PCDH15: variants seen among roughly 807,000 people sequenced by gnomAD.
PCDH15 encodes protocadherin related 15, also known as protocadherin-15.
PCDH15 carries 129 observed loss-of-function variants against 178.5 expected under a neutral mutation model. The observed-to-expected ratio is 0.72, with a 90% CI of 0.63 to 0.84. The LOEUF (loss-of-function observed/expected upper bound fraction) is 0.84. PCDH15 is among the 40% of genes least tolerant of loss of function. The pLI is 0.00. For synonymous variants in PCDH15, 800 were observed against 732.0 expected, an observed-to-expected ratio of 1.09 and a Z score of -1.50; for missense variants, 2,230 against 2,099.9, an observed-to-expected ratio of 1.06 and a Z score of -1.21.
chr10:54,691,617 C>T (rs1413617450), intron 1 of PCDH15, among the ~76,000 whole-genome samples: 1 of 151,614 alleles, frequency 6.6e-6, no homozygotes, highest in Non-Finnish European at 1.5e-5. Flanking sequence ...TTTTGAATGG[C>T]AATGCTTAAC....
intron 2 of PCDH15, among the ~76,000 whole-genome samples, chr10:55,541,439 T>C (rs1259145016): frequency 6.6e-6 from 1 of 151,936 alleles, no homozygotes; most frequent in Non-Finnish European, 1.5e-5. Flanking sequence ...GGAAGAAAAA[T>C]AGATTTAGGA....
At chr10:54,128,154 A>G (rs1405419167) in intron 15 of PCDH15, among the ~76,000 whole-genome samples, 2 of 152,168 alleles carry the variant, frequency 1.3e-5, no homozygotes, top group Non-Finnish European at 2.9e-5. Context: ...AAATTCCACC[A>G]TTAAGAGGCT....
chr10:54,713,820 C>T (rs1402814460), intron 1 of PCDH15, among the ~76,000 whole-genome samples: 5 of 152,090 alleles, frequency 3.3e-5, no homozygotes, highest in Non-Finnish European at 7.4e-5. Context: ...AAAGGCAAAA[C>T]ATGTTTTATC....
intron 20 of PCDH15, among the ~76,000 whole-genome samples, chr10:53,998,688 C>G (rs2091971933): frequency 6.6e-6 from 1 of 151,756 alleles, no homozygotes; most frequent in Non-Finnish European, 1.5e-5. Flanking sequence ...AGGCAAAAAC[C>G]TATAGAACAG....
intron 2 of PCDH15, among the ~76,000 whole-genome samples, chr10:55,059,245 C>T (rs890679884): frequency 1.3e-5 from 2 of 152,108 alleles, no homozygotes; most frequent in Admixed American, 6.6e-5. Flanking sequence ...TTCCTACCAA[C>T]CCATAAAAAT....
chr10:55,514,237 C>T (rs1840955158), intron 2 of PCDH15, among the ~76,000 whole-genome samples: 1 of 152,012 alleles, frequency 6.6e-6, no homozygotes, highest in African/African-American at 2.4e-5. Flanking sequence ...GTAAGAGATG[C>T]CATCAAATTA....
At chr10:55,385,408 C>A (rs1489877211) in intron 2 of PCDH15, among the ~76,000 whole-genome samples, 2 of 151,874 alleles carry the variant, frequency 1.3e-5, no homozygotes, top group Non-Finnish European at 2.9e-5. Flanking sequence ...TTGATGACTC[C>A]AATATCAGCT....
At chr10:55,183,820 C>T (rs146236227) in intron 1 of PCDH15, among the ~76,000 whole-genome samples, 376 of 151,896 alleles carry the variant, frequency 2.5e-3, no homozygotes, top group African/African-American at 8.2e-3. Context: ...ACTAGTTTAT[C>T]CCTATTTGCC....
intron 1 of PCDH15, among the ~76,000 whole-genome samples, chr10:55,316,469 T>G (rs1843724456): frequency 6.6e-6 from 1 of 152,176 alleles, no homozygotes; most frequent in Admixed American, 6.6e-5. Context: ...ATATTGAATT[T>G]TAATATCAGT....
chr10:55,411,965 T>C (rs1404235744), intron 2 of PCDH15, among the ~76,000 whole-genome samples: 1 of 152,054 alleles, frequency 6.6e-6, no homozygotes, highest in Non-Finnish European at 1.5e-5. Flanking sequence ...AACTGTGAAA[T>C]CCCAGTGGGA....
chr10:54,491,295 C>T lies in PCDH15; in HGVS notation c.157+36517G>A, dbSNP rs1178722320. ...ACAAAATCCACTAACAAAGTATTAT[C>T]CCTATGATGTCTCAAAAAAAAAAAG... On this transcript the variant is annotated intron_variant, in intron 3 of 37. Coordinates refer to ENST00000644397, the MANE Select transcript of PCDH15 (RefSeq NM_001384140.1). Among the ~76,000 whole-genome samples, 4 of 142,656 alleles carry T rather than the reference C, an allele frequency of 2.8e-5. No individual in the cohort carries two copies. The East Asian group carries it at 6.1e-4, about 22-fold the overall frequency. The allele number at this position is 142,656 out of a possible 152,430, so 93.6% of individuals were successfully genotyped here.
intron 2 of PCDH15, among the ~76,000 whole-genome samples, chr10:55,387,932 T>C (rs929247838): frequency 6.6e-6 from 1 of 152,086 alleles, no homozygotes; most frequent in Admixed American, 6.6e-5. Context: ...TCCTTTCTAA[T>C]TGCAGCTAAA....
chr10:55,179,465 C>A (rs919729554), intron 1 of PCDH15, among the ~76,000 whole-genome samples: 2 of 151,864 alleles, frequency 1.3e-5, no homozygotes, highest in African/African-American at 2.4e-5. Flanking sequence ...GGTTTACCCA[C>A]TCTCCCTCAA....
chr10:54,248,955 T>A (rs2056238915), intron 8 of PCDH15, among the ~76,000 whole-genome samples: 1 of 151,996 alleles, frequency 6.6e-6, no homozygotes, highest in African/African-American at 2.4e-5. Flanking sequence ...TTTCATAAAC[T>A]GAGTTGCCAA....
chr10:54,817,680 G>A (rs896990186), intron 3 of PCDH15, among the ~76,000 whole-genome samples: 3 of 152,010 alleles, frequency 2.0e-5, no homozygotes, highest in East Asian at 1.9e-4. Context: ...ATTATACACT[G>A]TATTTTGGGG....
chr10:54,375,766 C>CATATATATATATAT (rs373857140), intron 4 of PCDH15, among the ~76,000 whole-genome samples: 1 of 110,736 alleles, frequency 9.0e-6, no homozygotes, highest in African/African-American at 3.5e-5. Flanking sequence ...ATATTCAGAG[C>CATATATATATATAT]ATATATATAT....
At chr10:55,435,532 C>A (rs2132062076) in intron 2 of PCDH15, among the ~76,000 whole-genome samples, 1 of 152,094 alleles carries the variant, frequency 6.6e-6, no homozygotes, top group South Asian at 2.1e-4. Context: ...TTCCTTTTTT[C>A]CCTAATCCAC....
chr10:55,548,272 C>A (rs1299782586), intron 2 of PCDH15, among the ~76,000 whole-genome samples: 3 of 149,482 alleles, frequency 2.0e-5, no homozygotes, highest in Non-Finnish European at 4.4e-5. Flanking sequence ...TCCTAATGAA[C>A]AGTGTTATTT....
At chr10:54,828,566 T>C (rs1953169573) in intron 3 of PCDH15, among the ~76,000 whole-genome samples, 1 of 152,032 alleles carries the variant, frequency 6.6e-6, no homozygotes, top group Non-Finnish European at 1.5e-5. Flanking sequence ...ATGGTAATAA[T>C]GCATTTTCTA....
Sources: allele counts gnomAD v4.1 joint callset (sites outside exome capture counted in the v4.1 genomes callset), GRCh38; gene constraint gnomAD v4.1.1; transcripts MANE v1.5; gene names NCBI Gene and HGNC (gene_info 2026-07-23, HGNC 2026-07-21).